NKAIN2: variants seen among roughly 807,000 people sequenced by gnomAD.
The protein encoded by NKAIN2 is sodium/potassium transporting ATPase interacting 2.
Under a neutral mutation model 32.6 loss-of-function variants are expected in NKAIN2, and 14 were observed. The ratio of observed to expected loss-of-function variants is 0.43; its 90% CI spans 0.28 to 0.67. The LOEUF (loss-of-function observed/expected upper bound fraction) is 0.67. Among genes scored for constraint, NKAIN2 ranks in the 30% least tolerant of loss-of-function variants. The probability of loss-of-function intolerance (pLI) is 0.17; values close to 1 mark genes in which losing one functional copy is unlikely to be tolerated. For synonymous variants in NKAIN2, 80 were observed against 87.2 expected (o/e 0.92, Z 0.46); for missense variants, 198 against 258.3 (o/e 0.77, Z 1.60).
chr6:124,091,943 G>A (rs143057473), intron 1 of NKAIN2, among the ~76,000 whole-genome samples: 148 of 152,018 alleles, frequency 9.7e-4, no homozygotes, highest in African/African-American at 3.3e-3. Flanking sequence ...AACTCAGGGC[G>A]TCTTACTTCT....
chr6:124,807,927 A>G (rs1284178502), intron 5 of NKAIN2, among the ~76,000 whole-genome samples: 1 of 149,936 alleles, frequency 6.7e-6, no homozygotes, highest in African/African-American at 2.4e-5. Flanking sequence ...TCCCAAGACT[A>G]AACCAGGAAG....
intron 3 of NKAIN2, among the ~76,000 whole-genome samples, chr6:124,439,896 C>T (rs578874): frequency 0.22 from 32,874 of 151,714 alleles, 3,748 homozygotes; most frequent in African/African-American, 0.28. Flanking sequence ...ATAGGGGTCT[C>T]CAGGAAGCCT....
chr6:124,728,969 A>G (rs1389479229), intron 4 of NKAIN2, among the ~76,000 whole-genome samples: 1 of 149,736 alleles, frequency 6.7e-6, no homozygotes, highest in Non-Finnish European at 1.5e-5. Flanking sequence ...AGAAATGGAT[A>G]AATTCCTCAA....
intron 1 of NKAIN2, among the ~76,000 whole-genome samples, chr6:124,040,566 T>C (rs1781823252): frequency 6.6e-6 from 1 of 152,040 alleles, no homozygotes; most frequent in South Asian, 2.1e-4. Flanking sequence ...TGGTTTGTTA[T>C]TATTTATTAT....
At chr6:124,608,415 T>C (rs568804617) in intron 3 of NKAIN2, among the ~76,000 whole-genome samples, 3 of 152,164 alleles carry the variant, frequency 2.0e-5, no homozygotes, top group African/African-American at 7.2e-5. Flanking sequence ...GGCAATATAT[T>C]TGGAGGGAGG....
intron 1 of NKAIN2, among the ~76,000 whole-genome samples, chr6:123,952,259 C>T (rs1030046898): frequency 6.6e-6 from 1 of 151,962 alleles, no homozygotes; most frequent in Non-Finnish European, 1.5e-5. Context: ...CTGAGAAATC[C>T]CCTGTTAGTC....
chr6:124,283,270 T>C (rs1795388825), intron 2 of NKAIN2, 128 bp downstream of exon 2: 4 of 621,992 alleles, frequency 6.4e-6, no homozygotes, highest in Non-Finnish European at 1.1e-5. Context: ...AAGTACCATG[T>C]GTTTATTTTC....
At chr6:124,653,626 G>C (rs1030590186) in intron 3 of NKAIN2, among the ~76,000 whole-genome samples, 1 of 151,764 alleles carries the variant, frequency 6.6e-6, no homozygotes, top group Non-Finnish European at 1.5e-5. Flanking sequence ...GACACCAAAG[G>C]CATGATCCAT....
intron 1 of NKAIN2, among the ~76,000 whole-genome samples, chr6:123,835,162 C>T (rs1774563157): frequency 6.6e-6 from 1 of 152,112 alleles, no homozygotes; most frequent in South Asian, 2.1e-4. Context: ...ATTTAGTAAC[C>T]ATTTCACCGA....
chr6:124,798,901 C>T (rs564570705), intron 5 of NKAIN2, among the ~76,000 whole-genome samples: 1 of 152,262 alleles, frequency 6.6e-6, no homozygotes, highest in African/African-American at 2.4e-5. Context: ...CCTGCTGTAT[C>T]CTTAGCATCT....
chr6:124,391,450 A>G (rs1034987765), intron 3 of NKAIN2, among the ~76,000 whole-genome samples: 1 of 152,112 alleles, frequency 6.6e-6, no homozygotes, highest in African/African-American at 2.4e-5. Context: ...GACACAGAGT[A>G]GCTGCTCAAT....
chr6:124,628,529 G>A (rs1007744470), intron 3 of NKAIN2, among the ~76,000 whole-genome samples: 1 of 152,032 alleles, frequency 6.6e-6, no homozygotes, highest in Non-Finnish European at 1.5e-5. Context: ...AGATGTTTTA[G>A]TGATATACAA....
At chr6:124,036,557 G>A (rs1321165850) in intron 1 of NKAIN2, among the ~76,000 whole-genome samples, 4 of 151,954 alleles carry the variant, frequency 2.6e-5, no homozygotes, top group Non-Finnish European at 4.4e-5. Flanking sequence ...TAAATATAAC[G>A]GATACTTATC....
rs1294460591 is a variant in NKAIN2 at position 124,432,656 on chromosome 6, AACC to A, written c.273+77314_273+77316del. Among the ~76,000 whole-genome samples the A allele has an allele frequency of 3.3e-5, 5 of 152,246 alleles. No homozygotes were observed. In the East Asian group the frequency reaches 9.7e-4, roughly 29 times the overall value. On this transcript the variant is annotated intron_variant, in intron 3 of 6. Coordinates refer to ENST00000368417, the MANE Select transcript of NKAIN2 (RefSeq NM_001040214.3). ...AAAATAAAATTATAAAGTTTGAGTG[AACC>A]ACCATATAGAGAAAGATTTATGTTT...
intron 3 of NKAIN2, among the ~76,000 whole-genome samples, chr6:124,526,843 A>T (rs1779335039): frequency 6.6e-6 from 1 of 152,154 alleles, no homozygotes; most frequent in African/African-American, 2.4e-5. Flanking sequence ...GGGGTAGTGT[A>T]TGTGATGAGT....
intron 3 of NKAIN2, among the ~76,000 whole-genome samples, chr6:124,565,465 T>C (rs530558367): frequency 6.6e-6 from 1 of 152,364 alleles, no homozygotes; most frequent in Non-Finnish European, 1.5e-5. Flanking sequence ...TGTAATGTGA[T>C]ATGTCGATTG....
chr6:124,655,885 T>C lies in NKAIN2; in HGVS notation c.274-2301T>C, dbSNP rs115598052. On this transcript the variant is annotated intron_variant, in intron 3 of 6. Transcript: ENST00000368417. ...GTTTCAAATGGAAACTTGTGGTTGG[T>C]CTTGACTTCCTGTGAGAGAGGGAGG... is the stretch of plus-strand genomic sequence containing the variant. 4.1e-3 allele frequency among the ~76,000 whole-genome samples: 619 copies of C among 152,240 alleles called. 4 individuals are homozygous for C. Among genetic ancestry groups the C allele is most frequent in the African/African-American group, 0.014 (594 of 41,544 alleles).
At chr6:124,280,020 A>G (rs1795219729) in intron 1 of NKAIN2, among the ~76,000 whole-genome samples, 1 of 152,200 alleles carries the variant, frequency 6.6e-6, no homozygotes, top group Non-Finnish European at 1.5e-5. Context: ...ACAAGGAACC[A>G]AAATTTATAT....
chr6:124,613,585 T>C (rs903538799), intron 3 of NKAIN2, among the ~76,000 whole-genome samples: 1 of 152,140 alleles, frequency 6.6e-6, no homozygotes, highest in African/African-American at 2.4e-5. Flanking sequence ...ATTTAGAACA[T>C]AAATCAGCAC....
Sources: allele counts gnomAD v4.1 joint callset (sites outside exome capture counted in the v4.1 genomes callset), GRCh38; gene constraint gnomAD v4.1.1; transcripts MANE v1.5; gene names NCBI Gene and HGNC (gene_info 2026-07-23, HGNC 2026-07-21).